VAV2: variants seen among roughly 807,000 people sequenced by gnomAD.
The protein encoded by VAV2 is vav guanine nucleotide exchange factor 2.
VAV2 carries 67 observed loss-of-function variants against 132.5 expected under a neutral mutation model. The observed-to-expected ratio is 0.51, with a 90% CI of 0.42 to 0.62. VAV2 has a LOEUF of 0.62. VAV2 is among the 20% of genes least tolerant of loss of function. The pLI is 0.00. For missense variants in VAV2, 938 were observed against 1,153.6 expected (o/e 0.81, Z 2.71); for synonymous variants, 492 against 443.5 (o/e 1.11, Z -1.37).
chr9:133,916,604 A>G (rs918188109), intron 2 of VAV2, among the ~76,000 whole-genome samples: 1 of 152,100 alleles, frequency 6.6e-6, no homozygotes, highest in African/African-American at 2.4e-5. Flanking sequence ...GGGGGTGAAC[A>G]GAGAAAGGGA....
chr9:133,855,645 C>G (rs910050947), intron 3 of VAV2, among the ~76,000 whole-genome samples: 2 of 152,152 alleles, frequency 1.3e-5, no homozygotes, highest in African/African-American at 4.8e-5. Flanking sequence ...GCCACCAGCT[C>G]CCCCCGCACA....
intron 2 of VAV2, among the ~76,000 whole-genome samples, chr9:133,897,849 G>A (rs1451571927): frequency 3.9e-5 from 6 of 152,160 alleles, no homozygotes; most frequent in East Asian, 3.9e-4. Context: ...AAAACAACCC[G>A]CCCCCAGGCC....
rs1401162137 is a variant in VAV2, at chr9:133,823,419, G to C, written c.449+10853C>G. 6.6e-6 allele frequency among the ~76,000 whole-genome samples: 1 copy of C among 152,174 alleles called. No individual in the cohort carries two copies. The highest frequency in any genetic ancestry group is 1.5e-5 in the Non-Finnish European group (1 of 68,028). On this transcript the variant is annotated intron_variant, in intron 4 of 29. Coordinates refer to ENST00000371850, the MANE Select transcript of VAV2 (RefSeq NM_001134398.2). This position sits in a 1 kb window ranked among gnomAD's most constrained non-coding sequence, Gnocchi z 5.5. ...AATAGGAGTTGGGCAATCGATATAG[G>C]AGATACTACGTACGTGATGGGACTT...
intron 2 of VAV2, among the ~76,000 whole-genome samples, chr9:133,938,510 TG>T (rs1841009107): frequency 2.5e-4 from 1 of 4,044 alleles, no homozygotes; most frequent in Non-Finnish European, 7.4e-3. Flanking sequence ...GCCCGGCTCC[TG>T]CATGCAGGAC....
chr9:133,846,713 G>A (rs1836949562), intron 3 of VAV2, among the ~76,000 whole-genome samples: 1 of 152,214 alleles, frequency 6.6e-6, no homozygotes, highest in African/African-American at 2.4e-5. Context: ...TGCATCTGAG[G>A]GTTCCCACCT....
chr9:133,981,120 GTGAGGCCCC>G (rs1183750701), intron 1 of VAV2, among the ~76,000 whole-genome samples: 2 of 152,200 alleles, frequency 1.3e-5, no homozygotes, highest in East Asian at 3.9e-4. Context: ...AGGAGACGGG[GTGAGGCCCC>G]TTCTTCAGCG....
At position 133,762,222 on chromosome 9, in the gene VAV2, A is replaced by G. The variant is rs1327540156; in HGVS notation, c.*1840T>C. On this transcript the variant is annotated 3_prime_UTR_variant, in exon 30 of 30. Coordinates refer to ENST00000371850, the MANE Select transcript of VAV2 (RefSeq NM_001134398.2). This position sits in a 1 kb window ranked among gnomAD's most constrained non-coding sequence, Gnocchi z 5.0. ...AGAAACACAAAACAAAAAAATTCAC[A>G]AAAACCAGGGTTCTAAATTATTTTT... is the stretch of plus-strand genomic sequence containing the variant. The G allele has an allele frequency of 4.6e-5, 7 of 152,730 alleles. No individual in the cohort carries two copies. The East Asian group carries it at 1.3e-3, about 29-fold the overall frequency. 9.5% of individuals were successfully genotyped at this position (152,730 alleles called of 1,614,324 possible). A position where few individuals can be genotyped will look rare whatever the true frequency, so the allele number is the denominator to read the frequency against.
chr9:133,991,212 C>T lies in VAV2; in HGVS notation c.204+863G>A, dbSNP rs1843004232. ...GCCTCCCCCGACCTCTTCTAAGCTGCTCCCGGTAAGGATTCCGCGACCCCC... is the reference window on the plus strand; with the variant it reads ...GCCTCCCCCGACCTCTTCTAAGCTGTTCCCGGTAAGGATTCCGCGACCCCC... On this transcript the variant is annotated intron_variant, in intron 1 of 29. Transcript: ENST00000371850. The surrounding 1 kb of genome is among the most constrained non-coding windows in gnomAD (Gnocchi z 4.8). Among the ~76,000 whole-genome samples, 1 of 152,212 alleles carries T rather than the reference C, an allele frequency of 6.6e-6. No homozygotes were observed. Among genetic ancestry groups the T allele is most frequent in the Admixed American group, 6.5e-5 (1 of 15,282 alleles).
chr9:133,778,217 C>T (rs1412639331), intron 22 of VAV2, among the ~76,000 whole-genome samples: 2 of 147,282 alleles, frequency 1.4e-5, no homozygotes, highest in African/African-American at 5.2e-5. Flanking sequence ...ACAAAGGTCC[C>T]CACTCTGTGG....
At chr9:133,958,393 G>T (rs2998895) in intron 1 of VAV2, among the ~76,000 whole-genome samples, 34,427 of 148,074 alleles carry the variant, frequency 0.23, 3,796 homozygotes, top group East Asian at 0.4. Context: ...ATACTGCTTT[G>T]TAAAGCATTG....
In VAV2 at chr9:133,939,053, A is replaced by G; in HGVS notation, c.321+50T>C. 2.6e-6 allele frequency: 4 copies of G among 1,562,328 alleles called. No homozygotes were observed. In the African/African-American group the frequency reaches 4.1e-5, roughly 16 times the overall value. Reference sequence around the variant, plus strand: ...TGGCCCACCTGCCGCTGAGCCGGCAAATCGGCCACCACAGCTGAGCGACCG... The same window carrying G: ...TGGCCCACCTGCCGCTGAGCCGGCAGATCGGCCACCACAGCTGAGCGACCG... On this transcript the variant is annotated intron_variant, in intron 2 of 29. Coordinates refer to ENST00000371850, the MANE Select transcript of VAV2 (RefSeq NM_001134398.2).
At position 133,912,741 on chromosome 9, in the gene VAV2, C is replaced by T. The variant is rs571067207; in HGVS notation, c.321+26362G>A. Among the ~76,000 whole-genome samples, 1 of 152,274 alleles carries T rather than the reference C, an allele frequency of 6.6e-6. No individual in the cohort carries two copies. The highest frequency in any genetic ancestry group is 1.5e-5 in the Non-Finnish European group (1 of 68,024). On this transcript the variant is annotated intron_variant, in intron 2 of 29. Coordinates refer to ENST00000371850, the MANE Select transcript of VAV2 (RefSeq NM_001134398.2). The surrounding 1 kb of genome is among the most constrained non-coding windows in gnomAD (Gnocchi z 4.3). ...GACTATTAGGGGGGATAGTTGTGTT[C>T]TTTTATTTCTGCACTAAGCTAATAA...
At chr9:133,939,493 T>C (rs540462483) in intron 1 of VAV2, among the ~76,000 whole-genome samples, 10 of 152,042 alleles carry the variant, frequency 6.6e-5, no homozygotes, top group Admixed American at 5.2e-4. Flanking sequence ...AGCCTTCTCA[T>C]CACATAGCTG....
chr9:133,946,986 C>T (rs1841382138), intron 1 of VAV2, among the ~76,000 whole-genome samples: 1 of 152,140 alleles, frequency 6.6e-6, no homozygotes, highest in Admixed American at 6.5e-5. Flanking sequence ...GGTAGACGAA[C>T]AAATGAACCA....
chr9:133,903,272 A>G (rs1275015837), intron 2 of VAV2, among the ~76,000 whole-genome samples: 1 of 152,032 alleles, frequency 6.6e-6, no homozygotes, highest in Non-Finnish European at 1.5e-5. Context: ...CGGTTCCAGT[A>G]CATTTCGGTG....
chr9:133,775,509 GAATTTTGAACA>G (rs1386195729), intron 24 of VAV2, among the ~76,000 whole-genome samples: 1 of 152,176 alleles, frequency 6.6e-6, no homozygotes, highest in Non-Finnish European at 1.5e-5. Context: ...CATGTCAGTT[GAATTTTGAACA>G]GATTTTGAAA....
At chr9:133,933,745 AGTGG>A (rs796922119) in intron 2 of VAV2, among the ~76,000 whole-genome samples, 3 of 69,612 alleles carry the variant, frequency 4.3e-5, no homozygotes, top group African/African-American at 5.0e-5. Flanking sequence ...TGAATGGATG[AGTGG>A]ATGGATGAAT....
At chr9:133,976,193 G>A (rs1305973070) in intron 1 of VAV2, among the ~76,000 whole-genome samples, 1 of 151,822 alleles carries the variant, frequency 6.6e-6, no homozygotes. Flanking sequence ...GTGACAGAGC[G>A]AGATTCCATT....
At chr9:133,806,795 G>A (rs1007708749) in intron 8 of VAV2, among the ~76,000 whole-genome samples, 5 of 152,210 alleles carry the variant, frequency 3.3e-5, no homozygotes, top group East Asian at 1.9e-4. Context: ...GCATGTCCCC[G>A]GAGGAAGCCC....
Sources: allele counts gnomAD v4.1 joint callset (sites outside exome capture counted in the v4.1 genomes callset), GRCh38; gene constraint gnomAD v4.1.1; non-coding constraint Gnocchi (gnomAD v3.1); transcripts MANE v1.5; gene names NCBI Gene and HGNC (gene_info 2026-07-23, HGNC 2026-07-21).